OXNAD1: variants seen among roughly 807,000 people sequenced by gnomAD.
OXNAD1 encodes the protein oxidoreductase NAD binding domain containing 1.
A neutral mutation model predicts 32.9 loss-of-function variants in OXNAD1; 34 were observed. The ratio of observed to expected loss-of-function variants is 1.03; its 90% CI spans 0.79 to 1.38. The LOEUF (loss-of-function observed/expected upper bound fraction) is 1.38. OXNAD1 is among the 40% of genes most tolerant of loss of function. The pLI is 0.00. For missense variants in OXNAD1, 407 were observed against 379.4 expected (o/e 1.07, Z -0.60); for synonymous variants, 134 against 135.2 (o/e 0.99, Z 0.06).
At position 16,302,815 on chromosome 3, in the gene OXNAD1, G is replaced by A. The variant is rs141488635; in HGVS notation, c.784+67G>A. On this transcript the variant is annotated intron_variant, in intron 8 of 8. Transcript: ENST00000285083. This position sits in a 1 kb window ranked among gnomAD's most constrained non-coding sequence, Gnocchi z 4.2. ...TTTGATGGACACACCAGTTGGTTGAGCGTAGATGCTTTATTGTTGGAAGCT... is the reference window on the plus strand; with the variant it reads ...TTTGATGGACACACCAGTTGGTTGAACGTAGATGCTTTATTGTTGGAAGCT... The A allele has an allele frequency of 2.9e-3, 3,441 of 1,191,128 alleles. 6 individuals are homozygous for A. The highest frequency in any genetic ancestry group is 3.8e-3 in the Non-Finnish European group (3,118 of 819,446). 73.8% of individuals were successfully genotyped at this position (1,191,128 alleles called of 1,614,324 possible).
intron 1 of OXNAD1, among the ~76,000 whole-genome samples, chr3:16,267,845 T>A (rs1277902022): frequency 6.6e-6 from 1 of 152,264 alleles, no homozygotes; most frequent in Non-Finnish European, 1.5e-5. Context: ...TTGAATGAAC[T>A]GAGTATACCT....
intron 4 of OXNAD1, chr3:16,275,159 A>G (rs1028757316): frequency 5.7e-6 from 1 of 176,440 alleles, no homozygotes; most frequent in Admixed American, 5.6e-5. Flanking sequence ...AGAACTTCCA[A>G]AGACTTCAGT....
downstream of OXNAD1, among the ~76,000 whole-genome samples, chr3:16,308,482 G>A (rs2125117255): frequency 6.6e-6 from 1 of 152,192 alleles, no homozygotes; most frequent in East Asian, 1.9e-4. This position sits in a 1 kb window ranked among gnomAD's most constrained non-coding sequence, Gnocchi z 4.4. Flanking sequence ...ATGGAAAACA[G>A]CAATTTCCTC....
At position 16,293,743 on chromosome 3, in the gene OXNAD1, G is replaced by C. The variant is rs145936140; in HGVS notation, c.291-1113G>C. On this transcript the variant is annotated intron_variant, in intron 5 of 8. Transcript: ENST00000285083. ...GACATCCTAATCTTGTTTCTCTTAG[G>C]GGGGAAACTTTCAGCATTTCACCAT... Among the ~76,000 whole-genome samples the C allele has an allele frequency of 4.6e-5, 7 of 152,166 alleles. No homozygotes were observed. In the South Asian group the frequency reaches 6.2e-4, roughly 14 times the overall value.
intron 9 of OXNAD1, among the ~76,000 whole-genome samples, chr3:16,328,308 C>T (rs908662109): frequency 7.2e-5 from 11 of 152,204 alleles, no homozygotes; most frequent in Admixed American, 1.3e-4. Flanking sequence ...AGAGGCAGCG[C>T]GCGTGACCAT....
chr3:16,279,386 G>A (rs1427606158), intron 4 of OXNAD1, among the ~76,000 whole-genome samples: 1 of 152,152 alleles, frequency 6.6e-6, no homozygotes, highest in Non-Finnish European at 1.5e-5. Flanking sequence ...GAAAGGCCCA[G>A]TTTAGCAGCT....
In OXNAD1 at chr3:16,303,699, G is replaced by A; in HGVS notation, c.*137G>A. 2.1e-6 allele frequency: 2 copies of A among 948,614 alleles called. No individual in the cohort carries two copies. The highest frequency in any genetic ancestry group is 2.9e-6 in the Non-Finnish European group (2 of 682,378). 58.8% of individuals were successfully genotyped at this position (948,614 alleles called of 1,614,324 possible). A position where few individuals can be genotyped will look rare whatever the true frequency, so the allele number is the denominator to read the frequency against. ...AGGCTATAAACTTAGTGACCAGCTG[G>A]ATAATAAAAGCCAGCTGGCAGACTT... On this transcript the variant is annotated 3_prime_UTR_variant, in exon 9 of 9. Coordinates refer to ENST00000285083, the MANE Select transcript of OXNAD1 (RefSeq NM_138381.5). The surrounding 1 kb of genome is among the most constrained non-coding windows in gnomAD (Gnocchi z 4.8).
In OXNAD1 at chr3:16,290,449, T is replaced by G. The variant is rs2066356832; in HGVS notation, c.290+4001T>G. On this transcript the variant is annotated intron_variant, in intron 5 of 8. Transcript: ENST00000285083. This position sits in a 1 kb window ranked among gnomAD's most constrained non-coding sequence, Gnocchi z 4.2. ...AGAGTTACTAGAGAAGAGGGTTGGT[T>G]CCCTTTCATTCAACTGAGAGAATGG... Among the ~76,000 whole-genome samples the G allele has an allele frequency of 6.6e-6, 1 of 152,190 alleles. No individual in the cohort carries two copies. Among genetic ancestry groups the G allele is most frequent in the South Asian group, 2.1e-4 (1 of 4,826 alleles).
chr3:16,316,145 A>T lies in OXNAD1; in HGVS notation c.*30+12553A>T, dbSNP rs1451254569. On this transcript the variant is annotated intron_variant, in intron 9 of 9. Transcript: ENST00000435829. This position sits in a 1 kb window ranked among gnomAD's most constrained non-coding sequence, Gnocchi z 4.5. The stretch of plus-strand genomic sequence containing the variant: ...TGATGTGCTGAGTACAAAACCTTTA[A>T]AAACAACTTTTTGGCATTAATACTA... 6.5e-6 allele frequency: 1 copy of T among 153,166 alleles called. No homozygotes were observed. Among genetic ancestry groups the T allele is most frequent in the Non-Finnish European group, 1.5e-5 (1 of 68,468 alleles). 9.5% of individuals were successfully genotyped at this position (153,166 alleles called of 1,614,324 possible).
Position 16,334,200 on chromosome 3 carries a change from A to C in OXNAD1, c.*31-2912A>C, listed in dbSNP as rs145357048. 3.7e-4 allele frequency among the ~76,000 whole-genome samples: 56 copies of C among 152,248 alleles called. 1 individual carries two copies. Among genetic ancestry groups the C allele is most frequent in the African/African-American group, 1.2e-3 (50 of 41,546 alleles). The stretch of plus-strand genomic sequence containing the variant: ...CAAAAACAAAAAACAACAACAAAAA[A>C]TACCCTGAGATACTATTTTTTCACC... On this transcript the variant is annotated intron_variant, in intron 9 of 9. Coordinates refer to the OXNAD1 transcript ENST00000435829. This position sits in a 1 kb window ranked among gnomAD's most constrained non-coding sequence, Gnocchi z 4.3.
rs1327267159 is a variant in OXNAD1, at chr3:16,303,454, G to A, written c.831G>A (p.Glu277=). ...EKEIRDHISK[E]TLFYICGPPP... Reference sequence around the variant, plus strand: ...AGATAAGAGATCATATTTCAAAAGAGACTTTGTTCTATATTTGTGGCCCAC... The same window carrying A: ...AGATAAGAGATCATATTTCAAAAGAAACTTTGTTCTATATTTGTGGCCCAC... Residue 277 remains glutamate (E), a synonymous_variant, in exon 9 of 9, where the codon GAG becomes GAA. Coordinates refer to ENST00000285083, the MANE Select transcript of OXNAD1 (RefSeq NM_138381.5). This position sits in a 1 kb window ranked among gnomAD's most constrained non-coding sequence, Gnocchi z 4.8. The A allele has an allele frequency of 2.5e-6, 4 of 1,613,882 alleles. No homozygotes were observed. Among genetic ancestry groups the A allele is most frequent in the Middle Eastern group, 3.3e-4 (2 of 6,080 alleles).
rs2069891671 is a variant in OXNAD1 at position 16,327,904 on chromosome 3, A to G, written c.*31-9208A>G. 6.6e-6 allele frequency among the ~76,000 whole-genome samples: 1 copy of G among 152,046 alleles called. No homozygotes were observed. Among genetic ancestry groups the G allele is most frequent in the Non-Finnish European group, 1.5e-5 (1 of 67,972 alleles). On this transcript the variant is annotated intron_variant, in intron 9 of 9. Transcript: ENST00000435829. The surrounding 1 kb of genome is among the most constrained non-coding windows in gnomAD (Gnocchi z 4.2). ...CATTTCTTACTACGGGTTCCTCACT[A>G]ACACTCAAAGTGTAGCCCCCACCCC...
Position 16,301,498 on chromosome 3 carries a change from G to T in OXNAD1, c.433-128G>T. The T allele has an allele frequency of 8.7e-7, 1 of 1,145,656 alleles. No homozygotes were observed. The highest frequency in any genetic ancestry group is 2.5e-5 in the East Asian group (1 of 39,292). The allele number at this position is 1,145,656 out of a possible 1,614,324, so 71.0% of individuals were successfully genotyped here. A position where few individuals can be genotyped will look rare whatever the true frequency, so the allele number is the denominator to read the frequency against. ...AATTCACAGGGCATCGGGAAAATTG[G>T]GAGCAAGCTATAAAAATAGTCTTAA... On this transcript the variant is annotated intron_variant, in intron 6 of 8. Transcript: ENST00000285083. This position sits in a 1 kb window ranked among gnomAD's most constrained non-coding sequence, Gnocchi z 4.1.
In OXNAD1 at chr3:16,287,604, G is replaced by A. The variant is rs2066158456; in HGVS notation, c.290+1156G>A. On this transcript the variant is annotated intron_variant, in intron 5 of 8. Transcript: ENST00000285083. The surrounding 1 kb of genome is among the most constrained non-coding windows in gnomAD (Gnocchi z 4.8). ...CTGTTTTCCATATTTCCTTTCTGTGGAAATGTTTGTGTCCTGTGCAAAGCA... is the reference window on the plus strand; with the variant it reads ...CTGTTTTCCATATTTCCTTTCTGTGAAAATGTTTGTGTCCTGTGCAAAGCA... Among the ~76,000 whole-genome samples, 1 of 152,114 alleles carries A rather than the reference G, an allele frequency of 6.6e-6. No individual in the cohort carries two copies. Among genetic ancestry groups the A allele is most frequent in the Non-Finnish European group, 1.5e-5 (1 of 68,022 alleles).
rs2070079445 is a variant in OXNAD1 at position 16,329,479 on chromosome 3, A to C, written c.*31-7633A>C. Among the ~76,000 whole-genome samples the C allele has an allele frequency of 2.0e-5, 3 of 152,302 alleles. No homozygotes were observed. Among genetic ancestry groups the C allele is most frequent in the Non-Finnish European group, 4.4e-5 (3 of 68,016 alleles). ...GAATGCCATTCTGGTCCCTTCCCTG[A>C]AGCCTCTATCAGGCCAGAGATGGCC... On this transcript the variant is annotated intron_variant, in intron 9 of 9. Coordinates refer to the OXNAD1 transcript ENST00000435829. The surrounding 1 kb of genome is among the most constrained non-coding windows in gnomAD (Gnocchi z 4.5).
At position 16,303,395 on chromosome 3, in the gene OXNAD1, T is replaced by C. The variant is rs1265943632; in HGVS notation, c.785-13T>C. 1.2e-6 allele frequency: 2 copies of C among 1,612,902 alleles called. No individual in the cohort carries two copies. The highest frequency in any genetic ancestry group is 1.7e-6 in the Non-Finnish European group (2 of 1,179,456). On this transcript the variant is annotated splice_polypyrimidine_tract_variant and intron_variant, in intron 8 of 8. Transcript: ENST00000285083. The surrounding 1 kb of genome is among the most constrained non-coding windows in gnomAD (Gnocchi z 4.8). ...GTCTGGCTTAATTTGGTGTTTATTC[T>C]GGTTTTTGGTAGAAGGAAGAATAAC...
rs531627377 is a variant in OXNAD1, at chr3:16,319,842, C to G, written c.*30+16250C>G. Among the ~76,000 whole-genome samples, 3 of 152,328 alleles carry G rather than the reference C, an allele frequency of 2.0e-5. No individual in the cohort carries two copies. In the South Asian group the frequency reaches 6.2e-4, roughly 32 times the overall value. On this transcript the variant is annotated intron_variant, in intron 9 of 9. Transcript: ENST00000435829. ...ATTTCAGTTGAGCCTCTGAGGTGAG[C>G]TCTGACATCCACACCACTTAAAGGC...
chr3:16,326,382 C>T lies in OXNAD1; in HGVS notation c.*31-10730C>T, dbSNP rs1347954501. Among the ~76,000 whole-genome samples the T allele has an allele frequency of 2.0e-5, 3 of 152,182 alleles. No homozygotes were observed. The East Asian group carries it at 5.8e-4, about 29-fold the overall frequency. ...TGGGTTTAATAATAATACAATTCTA[C>T]CTCATAGTATTTTTCTTTTCTTTTT... On this transcript the variant is annotated intron_variant, in intron 9 of 9. Transcript: ENST00000435829.
Position 16,294,712 on chromosome 3 carries a change from A to G in OXNAD1, c.291-144A>G, listed in dbSNP as rs555962589. The G allele has an allele frequency of 3.5e-4, 275 of 784,454 alleles. 1 individual carries two copies. The highest frequency in any genetic ancestry group is 1.3e-3 in the Admixed American group (37 of 29,324). 48.6% of individuals were successfully genotyped at this position (784,454 alleles called of 1,614,324 possible). On this transcript the variant is annotated intron_variant, in intron 5 of 8. Transcript: ENST00000285083. Reference sequence around the variant, plus strand: ...TTCCTTTATAATTCTTTTTATTTCTATAAGCTTTGTGATGATATCTCCTCT... The same window carrying G: ...TTCCTTTATAATTCTTTTTATTTCTGTAAGCTTTGTGATGATATCTCCTCT...
Sources: allele counts gnomAD v4.1 joint callset (sites outside exome capture counted in the v4.1 genomes callset), GRCh38; gene constraint gnomAD v4.1.1; non-coding constraint Gnocchi (gnomAD v3.1); transcripts MANE v1.5; gene names NCBI Gene and HGNC (gene_info 2026-07-23, HGNC 2026-07-21).